Variants in GRID2 observed in about 807,000 individuals in gnomAD.
The protein encoded by GRID2 is glutamate ionotropic receptor delta type subunit 2.
A neutral mutation model predicts 114.8 loss-of-function variants in GRID2; 33 were observed. The observed-to-expected ratio is 0.29, with a 90% CI of 0.22 to 0.38. The LOEUF (loss-of-function observed/expected upper bound fraction) is 0.38, where lower values mean the gene tolerates loss of function less well. Ranked by LOEUF, GRID2 falls within the 10% of genes least tolerant of loss-of-function variation. The pLI, the probability that GRID2 is intolerant of heterozygous loss-of-function variation, is 1.00. For missense variants in GRID2, 1,184 were observed against 1,257.7 expected, an observed-to-expected ratio of 0.94 and a Z score of 0.89; for synonymous variants, 505 against 449.9, an observed-to-expected ratio of 1.12 and a Z score of -1.55.
At chr4:93,337,681 C>G (rs968516490) in intron 8 of GRID2, among the ~76,000 whole-genome samples, 1 of 152,054 alleles carries the variant, frequency 6.6e-6, no homozygotes, top group Non-Finnish European at 1.5e-5. Context: ...TAGTTATGGC[C>G]TCTGCTCACA....
At position 93,371,741 on chromosome 4, in the gene GRID2, C is replaced by CTTTTTTT. The variant is rs1205096650; in HGVS notation, c.1246-23849_1246-23843dup. Among the ~76,000 whole-genome samples the CTTTTTTT allele has an allele frequency of 5.5e-3, 495 of 89,612 alleles. 1 individual carries two copies. The highest frequency in any genetic ancestry group is 0.02 in the Middle Eastern group (2 of 98). 58.8% of individuals were successfully genotyped at this position (89,612 alleles called of 152,430 possible). A position where few individuals can be genotyped will look rare whatever the true frequency, so the allele number is the denominator to read the frequency against. On this transcript the variant is annotated intron_variant, in intron 8 of 15. Coordinates refer to ENST00000282020, the MANE Select transcript of GRID2 (RefSeq NM_001510.4). ...ATTGGTATATACATAATCACTATTT[C>CTTTTTTT]TTTTTTTTTTTTTTTTTTTTTTTGG...
At position 93,163,849 on chromosome 4, in the gene GRID2, C is replaced by T. The variant is rs1351005247; in HGVS notation, c.736-43555C>T. ...AAATGCCCCTGTAACATAACTAGTA[C>T]TGGACAGAATGTAAGAGTTATGAAT... On this transcript the variant is annotated intron_variant, in intron 4 of 15. Coordinates refer to ENST00000282020, the MANE Select transcript of GRID2 (RefSeq NM_001510.4). Among the ~76,000 whole-genome samples, 12 of 151,848 alleles carry T rather than the reference C, an allele frequency of 7.9e-5. 1 individual carries two copies.
intron 2 of GRID2, among the ~76,000 whole-genome samples, chr4:92,947,453 A>G (rs1357665479): frequency 6.6e-6 from 1 of 152,008 alleles, no homozygotes; most frequent in Admixed American, 6.6e-5. Context: ...TTTGTATAGT[A>G]GTGACATATG....
At chr4:93,411,207 A>G (rs1767095048) in intron 9 of GRID2, among the ~76,000 whole-genome samples, 1 of 152,170 alleles carries the variant, frequency 6.6e-6, no homozygotes, top group South Asian at 2.1e-4. Context: ...TTCCTTATCT[A>G]TAAAATTTGA....
At chr4:93,612,714 A>C (rs1341650416) in intron 13 of GRID2, among the ~76,000 whole-genome samples, 9 of 99,600 alleles carry the variant, frequency 9.0e-5, no homozygotes, top group Non-Finnish European at 1.9e-4. Flanking sequence ...TTTGAGGGTA[A>C]CCCGACCTTT....
At chr4:93,584,586 G>T (rs1357652298) in intron 13 of GRID2, among the ~76,000 whole-genome samples, 1 of 152,004 alleles carries the variant, frequency 6.6e-6, no homozygotes, top group Admixed American at 6.6e-5. Flanking sequence ...ATAAAAGTAT[G>T]AGTCAAAGAA....
chr4:93,006,447 G>C (rs1203713784), intron 2 of GRID2, among the ~76,000 whole-genome samples: 1 of 151,802 alleles, frequency 6.6e-6, no homozygotes, highest in East Asian at 1.9e-4. Context: ...TAGAAAAGAA[G>C]GTGTTTGAAA....
chr4:93,735,752 G>A (rs1270618497), intron 14 of GRID2, among the ~76,000 whole-genome samples: 2 of 152,000 alleles, frequency 1.3e-5, no homozygotes, highest in Admixed American at 6.6e-5. Context: ...CAAGTTCAGG[G>A]TTGGCCAGCC....
downstream of GRID2, among the ~76,000 whole-genome samples, chr4:93,775,766 T>A (rs369179836): frequency 1.8e-4 from 27 of 152,360 alleles, 2 homozygotes; most frequent in South Asian, 5.6e-3. Flanking sequence ...GGCTTTGGTT[T>A]AATCATACAT....
At chr4:93,093,622 G>A (rs952637228) in intron 3 of GRID2, among the ~76,000 whole-genome samples, 4 of 151,922 alleles carry the variant, frequency 2.6e-5, no homozygotes, top group African/African-American at 7.3e-5. Context: ...TACATGTCAC[G>A]TGCCTTTCCC....
chr4:93,361,467 GATTATTATT>G (rs149947795), intron 8 of GRID2, among the ~76,000 whole-genome samples: 48 of 147,632 alleles, frequency 3.3e-4, no homozygotes, highest in East Asian at 2.8e-3. Context: ...ATGTTACTGT[GATTATTATT>G]ATTATTATTA....
chr4:92,666,650 G>GTTTTTTTTTTTTTT lies in GRID2; in HGVS notation c.244+76371_244+76384dup, dbSNP rs70942922. On this transcript the variant is annotated intron_variant, in intron 2 of 15. Transcript: ENST00000282020. ...AGGCTGATGTGTAAACTTAAGGGTTGTTTTTTTTTTTTTTTTTTTTCAGAT... is the reference window on the plus strand; with the variant it reads ...AGGCTGATGTGTAAACTTAAGGGTTGTTTTTTTTTTTTTTTTTTTTTTTTTTTTTTTTTTCAGAT... Among the ~76,000 whole-genome samples the GTTTTTTTTTTTTTT allele has an allele frequency of 9.1e-3, 621 of 68,434 alleles. 31 individuals are homozygous for GTTTTTTTTTTTTTT. The highest frequency in any genetic ancestry group is 0.019 in the Middle Eastern group (2 of 104). The allele number at this position is 68,434 out of a possible 152,430, so 44.9% of individuals were successfully genotyped here.
At chr4:93,018,180 T>C (rs1422535430) in intron 2 of GRID2, among the ~76,000 whole-genome samples, 1 of 149,294 alleles carries the variant, frequency 6.7e-6, no homozygotes, top group Non-Finnish European at 1.5e-5. Context: ...TTATGAAGAA[T>C]AATTGTTTTA....
intron 14 of GRID2, among the ~76,000 whole-genome samples, chr4:93,661,722 A>AT (rs1369450068): frequency 6.6e-6 from 1 of 152,154 alleles, no homozygotes; most frequent in Non-Finnish European, 1.5e-5. Flanking sequence ...GTTTGCAGTG[A>AT]TTTTATGGAC....
At chr4:92,990,123 A>G (rs1474529932) in intron 2 of GRID2, among the ~76,000 whole-genome samples, 1 of 151,536 alleles carries the variant, frequency 6.6e-6, no homozygotes, top group African/African-American at 2.4e-5. Context: ...TTAATTTTTT[A>G]TGTAACCTTC....
chr4:93,556,955 A>C (rs1382014479), intron 13 of GRID2, among the ~76,000 whole-genome samples: 1 of 152,220 alleles, frequency 6.6e-6, no homozygotes, highest in Admixed American at 6.5e-5. Flanking sequence ...GTTAAAGAAA[A>C]GAATTTCAAC....
chr4:93,459,180 C>CAAAAA (rs57937928), intron 11 of GRID2, among the ~76,000 whole-genome samples: 1 of 50,042 alleles, frequency 2.0e-5, no homozygotes, highest in Non-Finnish European at 3.5e-5. Context: ...AACTCCATCT[C>CAAAAA]AAAAAAAAAA....
At chr4:93,656,543 C>T (rs759956860) in intron 14 of GRID2, among the ~76,000 whole-genome samples, 3 of 151,858 alleles carry the variant, frequency 2.0e-5, no homozygotes, top group Non-Finnish European at 2.9e-5. Context: ...TCAAATAAGA[C>T]AAATAGGCCG....
intron 2 of GRID2, among the ~76,000 whole-genome samples, chr4:93,028,998 A>G (rs1724141627): frequency 6.6e-6 from 1 of 152,104 alleles, no homozygotes; most frequent in Admixed American, 6.6e-5. Flanking sequence ...TTGTGAAGAG[A>G]TTAACTGAGA....
Sources: allele counts gnomAD v4.1 joint callset (sites outside exome capture counted in the v4.1 genomes callset), GRCh38; gene constraint gnomAD v4.1.1; transcripts MANE v1.5; gene names NCBI Gene and HGNC (gene_info 2026-07-23, HGNC 2026-07-21).